Variants in DIAPH2 observed in about 807,000 individuals in gnomAD.
DIAPH2 encodes protein diaphanous homolog 2.
Under a neutral mutation model 92.7 loss-of-function variants are expected in DIAPH2, and 35 were observed. The ratio of observed to expected loss-of-function variants is 0.38; its 90% CI spans 0.29 to 0.50. The LOEUF (loss-of-function observed/expected upper bound fraction) is 0.50. Ranked by LOEUF, DIAPH2 falls within the 20% of genes least tolerant of loss-of-function variation. The pLI, the probability that DIAPH2 is intolerant of heterozygous loss-of-function variation, is 0.94. For synonymous variants in DIAPH2, 301 were observed against 280.4 expected (o/e 1.07, Z -0.73); for missense variants, 701 against 819.5 (o/e 0.86, Z 1.77).
intron 4 of DIAPH2, among the ~76,000 whole-genome samples, chrX:96,815,179 G>T (rs1419260059): frequency 1.8e-5 from 2 of 112,190 alleles, no homozygotes; most frequent in Non-Finnish European, 3.8e-5. Flanking sequence ...CCGAGCTGCA[G>T]TGGGCTCTGC....
chrX:97,046,152 C>T (rs1444004687), intron 17 of DIAPH2, among the ~76,000 whole-genome samples: 1 of 107,261 alleles, frequency 9.3e-6, no homozygotes, highest in African/African-American at 3.4e-5. Flanking sequence ...CCACCGTGCC[C>T]AGCCTATTTT....
intron 23 of DIAPH2, among the ~76,000 whole-genome samples, chrX:97,326,521 G>C (rs1602510256): frequency 8.9e-6 from 1 of 111,784 alleles, no homozygotes; most frequent in East Asian, 2.8e-4. Context: ...TTGATTCTTA[G>C]AGCTTCAAGA....
At chrX:97,357,802 A>G (rs2069282541) in intron 24 of DIAPH2, among the ~76,000 whole-genome samples, 1 of 112,065 alleles carries the variant, frequency 8.9e-6, no homozygotes, top group Non-Finnish European at 1.9e-5. Flanking sequence ...GTGGTAATGA[A>G]ATATAATACA....
intron 25 of DIAPH2, among the ~76,000 whole-genome samples, chrX:97,414,828 C>G (rs192159398): frequency 9.0e-6 from 1 of 111,275 alleles, no homozygotes; most frequent in Non-Finnish European, 1.9e-5. Context: ...GACTAAAACA[C>G]CAAAAGCAAT....
At chrX:97,510,533 T>G (rs1312690627) in intron 26 of DIAPH2, among the ~76,000 whole-genome samples, 1 of 107,507 alleles carries the variant, frequency 9.3e-6, no homozygotes, top group Non-Finnish European at 1.9e-5. Context: ...ATTTGTCAAT[T>G]TTGGCTTTTG....
At chrX:97,501,133 T>C (rs746489168) in intron 26 of DIAPH2, among the ~76,000 whole-genome samples, 7 of 109,264 alleles carry the variant, frequency 6.4e-5, no homozygotes, top group Non-Finnish European at 1.1e-4. Context: ...TGGCCCCCAG[T>C]GGCTTTATGC....
chrX:97,149,547 C>T (rs1422046286), intron 22 of DIAPH2, among the ~76,000 whole-genome samples: 1 of 108,735 alleles, frequency 9.2e-6, no homozygotes, highest in Non-Finnish European at 1.9e-5. Context: ...CTGGCTAACA[C>T]GGTGAAACCC....
At chrX:97,267,513 A>G (rs913071397) in intron 23 of DIAPH2, among the ~76,000 whole-genome samples, 7 of 111,711 alleles carry the variant, frequency 6.3e-5, no homozygotes, top group African/African-American at 1.3e-4. Context: ...ATTAAGATGA[A>G]TAATGACAAT....
At chrX:96,965,336 T>C (rs181228045) in intron 17 of DIAPH2, 129 bp downstream of exon 17, 3 of 331,193 alleles carry the variant, frequency 9.1e-6, no homozygotes, top group East Asian at 6.4e-5. Flanking sequence ...CATAAATAGA[T>C]TGACATTTAA....
At chrX:97,211,585 G>A (rs2067841028) in intron 22 of DIAPH2, among the ~76,000 whole-genome samples, 1 of 111,280 alleles carries the variant, frequency 9.0e-6, no homozygotes, top group South Asian at 3.8e-4. Flanking sequence ...CCTTAGGTTT[G>A]GAATCACCAT....
intron 3 of DIAPH2, among the ~76,000 whole-genome samples, chrX:96,746,203 A>C (rs1367351324): frequency 8.9e-6 from 1 of 111,992 alleles, no homozygotes; most frequent in Non-Finnish European, 1.9e-5. Context: ...CCTGGCTTTG[A>C]AATTTCTTGA....
At chrX:96,977,739 A>G (rs1170948288) in intron 17 of DIAPH2, among the ~76,000 whole-genome samples, 1 of 109,570 alleles carries the variant, frequency 9.1e-6, no homozygotes, top group Non-Finnish European at 1.9e-5. Flanking sequence ...GCTGGAGTGC[A>G]GTGGCATAAT....
Position 97,200,665 on chromosome X carries a change from A to G in DIAPH2, c.2720-47050A>G, listed in dbSNP as rs2067740240. Among the ~76,000 whole-genome samples, 3 of 111,989 alleles carry G rather than the reference A, an allele frequency of 2.7e-5. No individual in the cohort carries two copies. The Admixed American group carries it at 2.8e-4, about 11-fold the overall frequency. ...ATGCCACAGCCCCAGTCAGGGGCTTACAGATAAAACTCTCATCTTCCTGGG... is the reference window on the plus strand; with the variant it reads ...ATGCCACAGCCCCAGTCAGGGGCTTGCAGATAAAACTCTCATCTTCCTGGG... On this transcript the variant is annotated intron_variant, in intron 22 of 26. Transcript: ENST00000324765.
At chrX:97,129,372 G>A (rs1365471932) in intron 21 of DIAPH2, among the ~76,000 whole-genome samples, 1 of 108,574 alleles carries the variant, frequency 9.2e-6, no homozygotes, top group Non-Finnish European at 1.9e-5. Flanking sequence ...TCACCATATA[G>A]GGCAGGGTGG....
chrX:97,358,029 A>G (rs1383871560), intron 24 of DIAPH2, among the ~76,000 whole-genome samples: 1 of 111,875 alleles, frequency 8.9e-6, no homozygotes, highest in South Asian at 3.8e-4. Flanking sequence ...CTAGTTTTCC[A>G]TGCTGAGTTC....
intron 26 of DIAPH2, among the ~76,000 whole-genome samples, chrX:97,526,600 C>T (rs1279808192): frequency 9.0e-6 from 1 of 111,159 alleles, no homozygotes; most frequent in Non-Finnish European, 1.9e-5. Context: ...TGTGTTACTC[C>T]TTCTACCTTC....
intron 4 of DIAPH2, among the ~76,000 whole-genome samples, chrX:96,788,785 G>A (rs1349329120): frequency 4.5e-5 from 5 of 111,824 alleles, no homozygotes; most frequent in Non-Finnish European, 9.4e-5. Flanking sequence ...ACCTAGCATT[G>A]CCAAGAATAC....
At chrX:97,191,347 A>G (rs1296238459) in intron 22 of DIAPH2, among the ~76,000 whole-genome samples, 1 of 111,299 alleles carries the variant, frequency 9.0e-6, no homozygotes, top group Admixed American at 9.6e-5. Flanking sequence ...AGAAAAAAAA[A>G]AGAAAAATGT....
chrX:97,103,973 A>G (rs904348228), intron 20 of DIAPH2, among the ~76,000 whole-genome samples: 1 of 110,961 alleles, frequency 9.0e-6, no homozygotes, highest in Non-Finnish European at 1.9e-5. Context: ...TCTTGTTTAT[A>G]CTTCAAGTCA....
Sources: gnomAD v4.1 joint callset for allele counts (sites outside exome capture counted in the v4.1 genomes callset) on GRCh38, gnomAD v4.1.1 for gene constraint, MANE v1.5 for transcripts, NCBI Gene and HGNC (gene_info 2026-07-23, HGNC 2026-07-21) for gene names.